PRDM16: variants seen among roughly 807,000 people sequenced by gnomAD.
PRDM16 encodes PR/SET domain 16.
PRDM16 carries 23 observed loss-of-function variants against 110.6 expected under a neutral mutation model. The observed-to-expected ratio is 0.21, with a 90% CI of 0.15 to 0.29. The LOEUF (loss-of-function observed/expected upper bound fraction) is 0.29, where lower values mean the gene tolerates loss of function less well. Ranked by LOEUF, PRDM16 falls within the 10% of genes least tolerant of loss-of-function variation. The pLI is 1.00. For synonymous variants in PRDM16, 799 were observed against 781.8 expected, an observed-to-expected ratio of 1.02 and a Z score of -0.37; for missense variants, 1,615 against 1,794.3, an observed-to-expected ratio of 0.90 and a Z score of 1.81.
intron 3 of PRDM16, among the ~76,000 whole-genome samples, chr1:3,269,400 A>T (rs975465592): frequency 2.0e-5 from 3 of 150,522 alleles, no homozygotes; most frequent in African/African-American, 7.4e-5. Context: ...GTCCCGGAGG[A>T]GGACAGTCGG....
intron 1 of PRDM16, among the ~76,000 whole-genome samples, chr1:3,165,501 A>G (rs111443081): frequency 1.1e-5 from 1 of 89,988 alleles, no homozygotes; most frequent in African/African-American, 5.5e-5. Flanking sequence ...GGGCTCAGGG[A>G]CAGGGACTCA....
chr1:3,376,719 C>G (rs1172993988), intron 3 of PRDM16, among the ~76,000 whole-genome samples: 2 of 152,106 alleles, frequency 1.3e-5, no homozygotes, highest in Non-Finnish European at 2.9e-5. Flanking sequence ...CTCTCTCTCT[C>G]CCCTCACTCT....
At chr1:3,087,795 C>T (rs1473872657) in intron 1 of PRDM16, among the ~76,000 whole-genome samples, 1 of 152,038 alleles carries the variant, frequency 6.6e-6, no homozygotes, top group Non-Finnish European at 1.5e-5. Context: ...TTCTTTTTTT[C>T]ACCACCTTGA....
chr1:3,079,176 G>A (rs1641963678), intron 1 of PRDM16, among the ~76,000 whole-genome samples: 1 of 152,246 alleles, frequency 6.6e-6, no homozygotes, highest in South Asian at 2.1e-4. Context: ...GCCCGGGCCT[G>A]TTTGGCCTCA....
At chr1:3,185,147 T>A (rs992988180) in intron 1 of PRDM16, among the ~76,000 whole-genome samples, 1 of 152,178 alleles carries the variant, frequency 6.6e-6, no homozygotes, top group African/African-American at 2.4e-5. Flanking sequence ...CTTTTCTTCC[T>A]GTCCAGACTC....
intron 3 of PRDM16, among the ~76,000 whole-genome samples, chr1:3,270,863 G>A (rs891300334): frequency 5.3e-5 from 8 of 151,988 alleles, no homozygotes; most frequent in African/African-American, 1.9e-4. Context: ...GGACAGTGGG[G>A]AGGAGGACAG....
intron 2 of PRDM16, among the ~76,000 whole-genome samples, chr1:3,196,233 T>C (rs1295693637): frequency 6.6e-6 from 1 of 152,198 alleles, no homozygotes; most frequent in Non-Finnish European, 1.5e-5. Flanking sequence ...CAGTCTCAAC[T>C]CTGCGCCTTG....
intron 2 of PRDM16, among the ~76,000 whole-genome samples, chr1:3,236,350 A>G (rs1639540451): frequency 6.6e-6 from 1 of 152,198 alleles, no homozygotes; most frequent in Non-Finnish European, 1.5e-5. Context: ...TAGGGCTTCC[A>G]GCAGCCTCGT....
At chr1:3,071,788 G>T (rs1641768454) in intron 1 of PRDM16, among the ~76,000 whole-genome samples, 1 of 152,176 alleles carries the variant, frequency 6.6e-6, no homozygotes, top group Admixed American at 6.5e-5. Flanking sequence ...TATTCAGGCT[G>T]GGCACAGAAC....
chr1:3,211,438 C>A (rs753711197), intron 2 of PRDM16, among the ~76,000 whole-genome samples: 27 of 152,234 alleles, frequency 1.8e-4, no homozygotes, highest in Non-Finnish European at 2.6e-4. Context: ...TGGGCTTGAT[C>A]TAGCTGGAGA....
intron 1 of PRDM16, among the ~76,000 whole-genome samples, chr1:3,184,129 G>A (rs981214625): frequency 6.6e-6 from 1 of 152,132 alleles, no homozygotes; most frequent in African/African-American, 2.4e-5. Context: ...CTGCGTCTCT[G>A]AAAGGATCCG....
chr1:3,330,475 C>T (rs775442559), intron 3 of PRDM16, among the ~76,000 whole-genome samples: 21 of 152,330 alleles, frequency 1.4e-4, no homozygotes, highest in Middle Eastern at 6.8e-3. Flanking sequence ...ACATGGCGCC[C>T]ATTCTCTTCT....
chr1:3,310,946 C>G (rs921520519), intron 3 of PRDM16, among the ~76,000 whole-genome samples: 5 of 151,432 alleles, frequency 3.3e-5, no homozygotes, highest in East Asian at 1.9e-4. Flanking sequence ...GCGTGTGTGT[C>G]TGTGAGACGT....
chr1:3,373,207 A>G (rs1206456028), intron 3 of PRDM16, among the ~76,000 whole-genome samples: 1 of 152,068 alleles, frequency 6.6e-6, no homozygotes, highest in African/African-American at 2.4e-5. Flanking sequence ...GCTCCACGGG[A>G]CAGTCTCAGT....
chr1:3,379,552 A>G (rs1490494158), intron 3 of PRDM16, among the ~76,000 whole-genome samples: 2 of 6,696 alleles, frequency 3.0e-4, no homozygotes. Context: ...ACCCCTCCCA[A>G]CACACCCCTC....
chr1:3,275,370 C>T (rs1640559841), intron 3 of PRDM16, among the ~76,000 whole-genome samples: 1 of 152,244 alleles, frequency 6.6e-6, no homozygotes, highest in African/African-American at 2.4e-5. Context: ...GCCAACCCAG[C>T]CTTCGCTCCT....
intron 1 of PRDM16, among the ~76,000 whole-genome samples, chr1:3,139,487 C>CG (rs1643504872): frequency 6.6e-6 from 1 of 152,204 alleles, no homozygotes; most frequent in Non-Finnish European, 1.5e-5. Flanking sequence ...CTGGCAGGGG[C>CG]GGGGTCCCTC....
chr1:3,302,974 A>G (rs892339781), intron 3 of PRDM16, among the ~76,000 whole-genome samples: 4 of 152,238 alleles, frequency 2.6e-5, no homozygotes, highest in Non-Finnish European at 5.9e-5. Flanking sequence ...AAATCTGGGT[A>G]TAATGAGGCT....
At chr1:3,276,215 C>T (rs1270607153) in intron 3 of PRDM16, among the ~76,000 whole-genome samples, 3 of 152,260 alleles carry the variant, frequency 2.0e-5, no homozygotes, top group Non-Finnish European at 4.4e-5. Flanking sequence ...GTGCGGGAGT[C>T]ACTTCCCAAG....
Sources: gnomAD v4.1 joint callset for allele counts (sites outside exome capture counted in the v4.1 genomes callset) on GRCh38, gnomAD v4.1.1 for gene constraint, MANE v1.5 for transcripts, NCBI Gene and HGNC (gene_info 2026-07-23, HGNC 2026-07-21) for gene names.